TEF: variants seen among roughly 807,000 people sequenced by gnomAD.
The protein encoded by TEF is TEF transcription factor, PAR bZIP family member.
In TEF, 3 loss-of-function variants were observed where a neutral mutation model predicts 20.8. The observed-to-expected ratio is 0.14, with a 90% confidence interval of 0.07 to 0.37. The LOEUF (loss-of-function observed/expected upper bound fraction) is 0.37, where lower values mean the gene tolerates loss of function less well. Among genes scored for constraint, TEF ranks in the 10% least tolerant of loss-of-function variants. The probability of loss-of-function intolerance (pLI) is 1.00; values close to 1 mark genes in which losing one functional copy is unlikely to be tolerated. For synonymous variants in TEF, 180 were observed against 171.1 expected, an observed-to-expected ratio of 1.05 and a Z score of -0.41; for missense variants, 296 against 397.9, an observed-to-expected ratio of 0.74 and a Z score of 2.18.
intron 1 of TEF, among the ~76,000 whole-genome samples, chr22:41,376,599 G>A (rs573910377): frequency 6.6e-6 from 1 of 152,328 alleles, no homozygotes; most frequent in South Asian, 2.1e-4. Context: ...ACAGCCAGTC[G>A]TCCAGCTTTG....
At chr22:41,395,206 A>G (rs1341002033) in intron 3 of TEF, among the ~76,000 whole-genome samples, 3 of 152,058 alleles carry the variant, frequency 2.0e-5, no homozygotes, top group African/African-American at 4.8e-5. Flanking sequence ...GGGTTTCATC[A>G]TATTGGCCAG....
chr22:41,383,333 G>A (rs2037058745), intron 1 of TEF, among the ~76,000 whole-genome samples: 1 of 152,160 alleles, frequency 6.6e-6, no homozygotes, highest in African/African-American at 2.4e-5. Flanking sequence ...AAACCCTTTT[G>A]TTTGTTTTTG....
At chr22:41,376,595 A>G (rs2036945046) in intron 1 of TEF, among the ~76,000 whole-genome samples, 1 of 152,246 alleles carries the variant, frequency 6.6e-6, no homozygotes, top group Non-Finnish European at 1.5e-5. Flanking sequence ...ATTTACAGCC[A>G]GTCGTCCAGC....
At position 41,382,139 on chromosome 22, in the gene TEF, C is replaced by CG. The variant is rs1449679029; in HGVS notation, c.99dup (p.Ser34ValfsTer21). 9 of 1,236,266 alleles carry CG rather than the reference C, an allele frequency of 7.3e-6. No homozygotes were observed. Among genetic ancestry groups the CG allele is most frequent in the Non-Finnish European group, 9.1e-6 (9 of 990,548 alleles). The allele number at this position is 1,236,266 out of a possible 1,614,324, so 76.6% of individuals were successfully genotyped here. On this transcript the variant is annotated frameshift_variant, in exon 1 of 4. Coordinates refer to ENST00000266304, the MANE Select transcript of TEF (RefSeq NM_003216.4). LOFTEE classifies it high-confidence loss of function. ...CGCGCAGCTGGGGAAAGGGGCCTGT[C>CG]GGGGTCCTTCCCCCTGGTCCTGAAG...
chr22:41,396,354 A>G lies in TEF; in HGVS notation c.*394A>G, dbSNP rs529755234. The G allele has an allele frequency of 2.6e-5, 5 of 195,910 alleles. No homozygotes were observed. Among genetic ancestry groups the G allele is most frequent in the East Asian group, 2.5e-4 (2 of 8,076 alleles). 12.1% of individuals were successfully genotyped at this position (195,910 alleles called of 1,614,324 possible). On this transcript the variant is annotated 3_prime_UTR_variant, in exon 4 of 4. Coordinates refer to ENST00000266304, the MANE Select transcript of TEF (RefSeq NM_003216.4). ...TATCTCTGCAGAATGAGTTGTGATC[A>G]TTGTCACCCTATGTCTTCTCAGGTA...
At chr22:41,390,867 A>C (rs901902201) in intron 2 of TEF, among the ~76,000 whole-genome samples, 1 of 152,176 alleles carries the variant, frequency 6.6e-6, no homozygotes, top group African/African-American at 2.4e-5. Context: ...TCTTGTCCCC[A>C]GGCCTCTTTG....
At position 41,396,101 on chromosome 22, in the gene TEF, T is replaced by C. The variant is rs2037225029; in HGVS notation, c.*141T>C. On this transcript the variant is annotated 3_prime_UTR_variant, in exon 4 of 4. Coordinates refer to ENST00000266304, the MANE Select transcript of TEF (RefSeq NM_003216.4). ...CACCTGCTGCAGGAGCGGCCACGTC[T>C]CAGCTTCATTATACCATGGCCTGCG... 1.1e-6 allele frequency: 1 copy of C among 877,062 alleles called. No individual in the cohort carries two copies. The highest frequency in any genetic ancestry group is 1.7e-6 in the Non-Finnish European group (1 of 580,204). The allele number at this position is 877,062 out of a possible 1,614,324, so 54.3% of individuals were successfully genotyped here.
At chr22:41,387,204 A>G in intron 1 of TEF, 147 bp from the exon 2 acceptor site, 1 of 875,500 alleles carries the variant, frequency 1.1e-6, no homozygotes, top group East Asian at 2.7e-5. Flanking sequence ...CGAGATTCGA[A>G]CTGGAGAATA....
chr22:41,394,436 A>T lies in TEF; in HGVS notation c.696+120A>T, dbSNP rs1434103165. ...CCTCCTTGTGACACCATTTGGAAAG[A>T]CATGAGTTTAGTGCTTAAAGCCATA... On this transcript the variant is annotated intron_variant, in intron 3 of 3. Coordinates refer to ENST00000266304, the MANE Select transcript of TEF (RefSeq NM_003216.4). 21 of 1,004,514 alleles carry T rather than the reference A, an allele frequency of 2.1e-5. No individual in the cohort carries two copies. The Admixed American group carries it at 2.2e-4, about 10-fold the overall frequency. The allele number at this position is 1,004,514 out of a possible 1,614,324, so 62.2% of individuals were successfully genotyped here.
At chr22:41,371,851 C>T (rs2036886887) in intron 1 of TEF, among the ~76,000 whole-genome samples, 1 of 152,294 alleles carries the variant, frequency 6.6e-6, no homozygotes, top group East Asian at 1.9e-4. Flanking sequence ...CATTTCATAA[C>T]AGGCAGGATC....
At chr22:41,374,789 C>T (rs906470675) in intron 1 of TEF, among the ~76,000 whole-genome samples, 1 of 151,860 alleles carries the variant, frequency 6.6e-6, no homozygotes, top group Non-Finnish European at 1.5e-5. Flanking sequence ...AGGTCTTCAG[C>T]CTTGTCTCCA....
chr22:41,387,201 C>T lies in TEF; in HGVS notation c.158-150C>T, dbSNP rs777752133. 13 of 861,212 alleles carry T rather than the reference C, an allele frequency of 1.5e-5. No homozygotes were observed. The East Asian group carries it at 1.9e-4, about 12-fold the overall frequency. 53.3% of individuals were successfully genotyped at this position (861,212 alleles called of 1,614,324 possible). ...GCCGGCCTGGTTCAAGTGCGAGATT[C>T]GAACTGGAGAATAGAGTAGGTTCTT... is the stretch of plus-strand genomic sequence containing the variant. On this transcript the variant is annotated intron_variant, in intron 1 of 3. Transcript: ENST00000266304.
rs1402196928 is a variant in TEF at position 41,369,038 on chromosome 22, G to A, written c.67+1439G>A. 4 of 984,910 alleles carry A rather than the reference G, an allele frequency of 4.1e-6. No individual in the cohort carries two copies. The African/African-American group carries it at 5.2e-5, about 13-fold the overall frequency. The allele number at this position is 984,910 out of a possible 1,614,324, so 61.0% of individuals were successfully genotyped here. A position where few individuals can be genotyped will look rare whatever the true frequency, so the allele number is the denominator to read the frequency against. On this transcript the variant is annotated intron_variant, in intron 1 of 3. Transcript: ENST00000406644. ...TCCCCTCCTTGGTCCAGGAACCCAG[G>A]AAGGGTGGTACAGTCCCTCCTGGCT...
At chr22:41,395,210 T>C (rs2037212689) in intron 3 of TEF, among the ~76,000 whole-genome samples, 1 of 152,130 alleles carries the variant, frequency 6.6e-6, no homozygotes, top group African/African-American at 2.4e-5. Context: ...TTCATCATAT[T>C]GGCCAGGCTG....
chr22:41,387,947 G>A (rs1601821942), intron 2 of TEF, among the ~76,000 whole-genome samples: 1 of 145,680 alleles, frequency 6.9e-6, no homozygotes, highest in East Asian at 2.0e-4. Flanking sequence ...GGCATTACAG[G>A]ATAGAAATCC....
rs2037031078 is a variant in TEF at position 41,381,955 on chromosome 22, G to A, written c.-90G>A. On this transcript the variant is annotated 5_prime_UTR_variant, in exon 1 of 4. It adds an upstream start codon to the 5' untranslated region. Transcript: ENST00000266304. ...TTGGGCGCCTGCGCAGTAGCTGCCC[G>A]TGTCGGCAGCTGCAGCGGGTCGCAC... 1.6e-6 allele frequency: 2 copies of A among 1,227,150 alleles called. No individual in the cohort carries two copies. Among genetic ancestry groups the A allele is most frequent in the African/African-American group, 1.6e-5 (1 of 64,120 alleles). 76.0% of individuals were successfully genotyped at this position (1,227,150 alleles called of 1,614,324 possible). A position where few individuals can be genotyped will look rare whatever the true frequency, so the allele number is the denominator to read the frequency against.
chr22:41,371,430 G>C (rs1331494479), intron 1 of TEF, among the ~76,000 whole-genome samples: 2 of 152,226 alleles, frequency 1.3e-5, no homozygotes, highest in Non-Finnish European at 2.9e-5. Context: ...GAAGAGAGCA[G>C]GGGGCTTATG....
At chr22:41,369,070 A>C in intron 1 of TEF, 1 of 985,278 alleles carries the variant, frequency 1.0e-6, no homozygotes. Context: ...GGCTCCCCCA[A>C]GGTGTCCCAG....
intron 1 of TEF, among the ~76,000 whole-genome samples, chr22:41,372,807 G>A (rs780590388): frequency 1.3e-5 from 2 of 152,108 alleles, no homozygotes; most frequent in Admixed American, 6.5e-5. Flanking sequence ...CCCAGGGAGA[G>A]GCATTTGAAC....
Sources: gnomAD v4.1 joint callset for allele counts (sites outside exome capture counted in the v4.1 genomes callset) on GRCh38, gnomAD v4.1.1 for gene constraint, MANE v1.5 for transcripts, NCBI Gene and HGNC (gene_info 2026-07-23, HGNC 2026-07-21) for gene names.